PARP4: variants seen among roughly 807,000 people sequenced by gnomAD.
PARP4 encodes protein mono-ADP-ribosyltransferase PARP4.
Under a neutral mutation model 187.7 loss-of-function variants are expected in PARP4, and 120 were observed. The observed-to-expected ratio is 0.64, with a 90% CI of 0.55 to 0.74. The LOEUF (loss-of-function observed/expected upper bound fraction) is 0.74. Among genes scored for constraint, PARP4 ranks in the 30% least tolerant of loss-of-function variants. PARP4 has a pLI of 0.00. For synonymous variants in PARP4, 654 were observed against 740.9 expected, an observed-to-expected ratio of 0.88 and a Z score of 1.90; for missense variants, 1,836 against 2,070.5, an observed-to-expected ratio of 0.89 and a Z score of 2.20.
intron 1 of PARP4, among the ~76,000 whole-genome samples, chr13:24,507,881 A>AC (rs1318400173): frequency 6.6e-6 from 1 of 152,008 alleles, no homozygotes; most frequent in Non-Finnish European, 1.5e-5. Context: ...TATCTCTGGG[A>AC]CCCCCAGCCC....
chr13:24,503,902 A>G, intron 1 of PARP4, 125 bp from the exon 2 acceptor site: 1 of 782,386 alleles, frequency 1.3e-6, no homozygotes, highest in East Asian at 2.5e-5. Context: ...CAATCATGTT[A>G]TCAATAGAAC....
At chr13:24,492,651 G>T in intron 8 of PARP4, 57 bp from the exon 9 acceptor site, 1 of 1,375,664 alleles carries the variant, frequency 7.3e-7, no homozygotes, top group Non-Finnish European at 1.0e-6. Context: ...AAATTAAGGA[G>T]CATGCACAAA....
intron 1 of PARP4, among the ~76,000 whole-genome samples, chr13:24,510,277 G>A (rs1282898463): frequency 6.6e-6 from 1 of 152,036 alleles, no homozygotes; most frequent in Non-Finnish European, 1.5e-5. Context: ...ACTATTGGCC[G>A]GGCGCGGTGG....
At chr13:24,449,953 G>C (rs1158378212) in intron 24 of PARP4, 136 bp from the exon 25 acceptor site, 6 of 490,176 alleles carry the variant, frequency 1.2e-5, no homozygotes, top group Non-Finnish European at 2.2e-5. Context: ...TGTCGCTGAG[G>C]TTAAACAGAG....
chr13:24,479,096 T>C (rs1490534448), intron 12 of PARP4, among the ~76,000 whole-genome samples: 2 of 152,210 alleles, frequency 1.3e-5, no homozygotes. Flanking sequence ...TGTTTTATCT[T>C]TCTTTGGGAA....
chr13:24,494,575 C>T lies in PARP4; in HGVS notation c.739G>A (p.Ala247Thr). ...AAAAAATTATAAATCAATCTCACTGCTTGCAATTGTTCAGATGCTAATTGG... is the reference window on the plus strand; with the variant it reads ...AAAAAATTATAAATCAATCTCACTGTTTGCAATTGTTCAGATGCTAATTGG... ...ATQLASEQLQ[A>T]LLLEEVMNSS... is the part of the protein sequence containing the mutation. The change falls in exon 7 of 34, where the codon GCA (alanine) becomes ACA (threonine). Residue 247 changes from alanine (A) to threonine (T), a missense_variant and splice_region_variant. Coordinates refer to ENST00000381989, the MANE Select transcript of PARP4 (RefSeq NM_006437.4). 19 of 1,603,092 alleles carry T rather than the reference C, an allele frequency of 1.2e-5. No homozygotes were observed. Among genetic ancestry groups the T allele is most frequent in the South Asian group, 3.4e-5 (3 of 87,604 alleles).
chr13:24,481,402 T>C (rs1384849717), intron 12 of PARP4, among the ~76,000 whole-genome samples: 1 of 152,182 alleles, frequency 6.6e-6, no homozygotes, highest in Non-Finnish European at 1.5e-5. Context: ...ATTTAAGAAA[T>C]ACATTTTGGG....
chr13:24,494,682 G>C lies in PARP4; in HGVS notation c.632C>G (p.Ala211Gly). ...AATGTAATTTTCAAAGTATTCACTT[G>C]CATCTTCAGAGGTTTTCTTTATAGC... Reference protein sequence around the residue: ...QFAIKKTSEDASEYFENYIEE... With the variant: ...QFAIKKTSEDGSEYFENYIEE... The change falls in exon 7 of 34, where the codon GCA becomes GGA. Residue 211 changes from alanine to glycine, a missense_variant. Ala to Gly is a moderately conservative substitution (Grantham distance 60). Coordinates refer to ENST00000381989, the MANE Select transcript of PARP4 (RefSeq NM_006437.4). 1 of 1,608,150 alleles carries C rather than the reference G, an allele frequency of 6.2e-7. No homozygotes were observed. Among genetic ancestry groups the C allele is most frequent in the Non-Finnish European group, 8.5e-7 (1 of 1,175,380 alleles).
chr13:24,468,822 T>TG (rs920902301), intron 17 of PARP4, among the ~76,000 whole-genome samples: 2 of 152,354 alleles, frequency 1.3e-5, no homozygotes, highest in Admixed American at 1.3e-4. Flanking sequence ...CTTGTTTGTC[T>TG]GGAACTACTG....
intron 27 of PARP4, 34 bp downstream of exon 27, chr13:24,446,647 A>G (rs761234800): frequency 1.5e-6 from 2 of 1,350,068 alleles, no homozygotes; most frequent in South Asian, 2.3e-5. Context: ...TAACTTTCAA[A>G]CAATGGGTTG....
Position 24,503,784 on chromosome 13 carries a change from GAAAA to G in PARP4, c.-1-11_-1-8del, listed in dbSNP as rs779923396. On this transcript the variant is annotated splice_polypyrimidine_tract_variant and splice_region_variant and intron_variant, in intron 1 of 33. Transcript: ENST00000381989. Reference sequence around the variant, plus strand: ...AAAGATTCCCATCACCATCCTGTAGGAAAAAAAGTTTTTAAGGACCCTCTCTTAA... The same window carrying G: ...AAAGATTCCCATCACCATCCTGTAGGAAAGTTTTTAAGGACCCTCTCTTAA... The G allele has an allele frequency of 6.2e-7, 1 of 1,610,372 alleles. No homozygotes were observed. Among genetic ancestry groups the G allele is most frequent in the African/African-American group, 1.3e-5 (1 of 74,560 alleles).
In PARP4 at chr13:24,493,665, A is replaced by G. The variant is rs1868790250; in HGVS notation, c.810T>C (p.Ile270=). ...SQEVSDLVEM[I]WAEALGHLEH... is the part of the protein sequence containing the mutation. Reference sequence around the variant, plus strand: ...CCAGGTGGCCCAGGGCCTCTGCCCAAATCATCTCTACTAAATCGCTCACCT... The same window carrying G: ...CCAGGTGGCCCAGGGCCTCTGCCCAGATCATCTCTACTAAATCGCTCACCT... The change falls in exon 8 of 34, where the codon ATT becomes ATC. Residue 270 remains isoleucine, a synonymous_variant. Coordinates refer to ENST00000381989, the MANE Select transcript of PARP4 (RefSeq NM_006437.4). 1 of 1,613,988 alleles carries G rather than the reference A, an allele frequency of 6.2e-7. No homozygotes were observed. Among genetic ancestry groups the G allele is most frequent in the African/African-American group, 1.3e-5 (1 of 74,926 alleles).
chr13:24,477,576 G>A, intron 14 of PARP4, 125 bp downstream of exon 14: 1 of 609,922 alleles, frequency 1.6e-6, no homozygotes, highest in Non-Finnish European at 2.8e-6. Context: ...AGATTGAAAG[G>A]AAATGAAATA....
chr13:24,506,455 C>A (rs1011921890), intron 1 of PARP4, among the ~76,000 whole-genome samples: 1 of 152,148 alleles, frequency 6.6e-6, no homozygotes, highest in Non-Finnish European at 1.5e-5. Flanking sequence ...CCTTATGTGG[C>A]CCCACCCACA....
At chr13:24,505,677 C>T (rs111495618) in intron 1 of PARP4, among the ~76,000 whole-genome samples, 15,088 of 152,206 alleles carry the variant, frequency 0.099, 832 homozygotes, top group Non-Finnish European at 0.12. Flanking sequence ...TACAGGCCCG[C>T]GCCACCACGC....
intron 24 of PARP4, among the ~76,000 whole-genome samples, chr13:24,450,243 T>A (rs1871438807): frequency 6.6e-6 from 1 of 151,974 alleles, no homozygotes; most frequent in Non-Finnish European, 1.5e-5. Context: ...CTGATACACA[T>A]CAACATAGCA....
chr13:24,431,563 G>A (rs1420056131), intron 31 of PARP4, 87 bp from the exon 32 acceptor site: 10 of 840,812 alleles, frequency 1.2e-5, no homozygotes, highest in Non-Finnish European at 1.8e-5. Context: ...AGTGGGGCAA[G>A]GGTTGAAAAA....
intron 6 of PARP4, among the ~76,000 whole-genome samples, 199 bp from the exon 7 acceptor site, chr13:24,494,921 G>C (rs1868864711): frequency 6.7e-6 from 1 of 150,356 alleles, no homozygotes; most frequent in African/African-American, 2.5e-5. Flanking sequence ...GCCCAGACTG[G>C]AGTGCAGTAG....
intron 17 of PARP4, among the ~76,000 whole-genome samples, chr13:24,460,765 T>G (rs142540744): frequency 2.0e-5 from 3 of 152,200 alleles, no homozygotes; most frequent in Non-Finnish European, 2.9e-5. Flanking sequence ...CACAGCTTAA[T>G]GTAGCCTTGA....
Sources: gnomAD v4.1 joint callset for allele counts (sites outside exome capture counted in the v4.1 genomes callset) on GRCh38, gnomAD v4.1.1 for gene constraint, MANE v1.5 for transcripts, NCBI Gene and HGNC (gene_info 2026-07-23, HGNC 2026-07-21) for gene names.